The following PGR variants were observed in gnomAD, a reference collection of about 807,000 sequenced individuals.
PGR encodes progesterone receptor, also known as nuclear receptor subfamily 3 group C member 3.
In PGR, 25 loss-of-function variants were observed where a neutral mutation model predicts 76.1. That is an observed-to-expected ratio of 0.33 (90% CI 0.24 to 0.46). The LOEUF (loss-of-function observed/expected upper bound fraction) is 0.46, where lower values mean the gene tolerates loss of function less well. Among genes scored for constraint, PGR ranks in the 20% least tolerant of loss-of-function variants. The probability of loss-of-function intolerance (pLI) is 1.00; values close to 1 mark genes in which losing one functional copy is unlikely to be tolerated. For missense variants in PGR, 1,172 were observed against 1,225.3 expected (o/e 0.96, Z 0.65); for synonymous variants, 579 against 535.0 (o/e 1.08, Z -1.14).
chr11:101,051,256 A>G (rs1354316665), intron 5 of PGR, among the ~76,000 whole-genome samples, 168 bp downstream of exon 5: 1 of 152,172 alleles, frequency 6.6e-6, no homozygotes, highest in Non-Finnish European at 1.5e-5. Flanking sequence ...TGATATAACT[A>G]TATTTTGAAA....
chr11:101,127,612 C>CGCT lies in PGR; in HGVS notation c.1456_1458dup (p.Ser486dup). ...AGGCCGTCCCGCGGGAGCAGGCAGC[C>CGCT]GCTCGCGCCCGGCGCCTTGCAGGGC... On this transcript the variant is annotated inframe_insertion, in exon 1 of 8. Transcript: ENST00000325455. 1 of 1,304,334 alleles carries CGCT rather than the reference C, an allele frequency of 7.7e-7. No homozygotes were observed. The highest frequency in any genetic ancestry group is 9.7e-7 in the Non-Finnish European group (1 of 1,035,822). The allele number at this position is 1,304,334 out of a possible 1,614,324, so 80.8% of individuals were successfully genotyped here.
intron 2 of PGR, among the ~76,000 whole-genome samples, chr11:101,115,741 C>T (rs926832403): frequency 6.6e-6 from 1 of 151,180 alleles, no homozygotes; most frequent in African/African-American, 2.4e-5. Flanking sequence ...TGCACTTCAG[C>T]CTGGGCTACA....
intron 4 of PGR, among the ~76,000 whole-genome samples, chr11:101,060,101 TAC>T (rs1860438129): frequency 6.6e-6 from 1 of 152,112 alleles, no homozygotes; most frequent in South Asian, 2.1e-4. Context: ...ACTTTCCAAA[TAC>T]AGTTTCCTAT....
intron 3 of PGR, among the ~76,000 whole-genome samples, chr11:101,080,655 T>C (rs1861275560): frequency 6.6e-6 from 1 of 152,036 alleles, no homozygotes; most frequent in South Asian, 2.1e-4. Context: ...AACTCAGAAA[T>C]GACACATAAA....
chr11:101,051,928 C>T (rs1257723769), intron 4 of PGR, among the ~76,000 whole-genome samples: 2 of 152,016 alleles, frequency 1.3e-5, no homozygotes, highest in African/African-American at 4.8e-5. Context: ...AAGCAGCTCA[C>T]AACTCAACAG....
rs538469617 is a variant in PGR, at chr11:101,089,825, T to C, written c.1906+1935A>G. Among the ~76,000 whole-genome samples the C allele has an allele frequency of 7.2e-5, 11 of 152,292 alleles. No homozygotes were observed. The South Asian group carries it at 8.3e-4, about 11-fold the overall frequency. On this transcript the variant is annotated intron_variant, in intron 3 of 7. Transcript: ENST00000325455. ...CAATAGCTGTGAAGCCCGTAGAATA[T>C]GGCTTGGGAAGCATAGGAATAACAG... is the stretch of plus-strand genomic sequence containing the variant.
chr11:101,077,546 G>C (rs1861168120), intron 3 of PGR, among the ~76,000 whole-genome samples: 1 of 152,060 alleles, frequency 6.6e-6, no homozygotes, highest in South Asian at 2.1e-4. Context: ...GGAGATATTT[G>C]AACCCCTCAA....
chr11:101,086,891 T>A lies in PGR; in HGVS notation c.1906+4869A>T, dbSNP rs536541770. 2.1e-5 allele frequency among the ~76,000 whole-genome samples: 3 copies of A among 146,178 alleles called. No homozygotes were observed. In the South Asian group the frequency reaches 7.6e-4, roughly 37 times the overall value. Reference sequence around the variant, plus strand: ...TACATATAACTAAGCAGATGAAAGATTTCTACATGGATAACTACATAACAT... The same window carrying A: ...TACATATAACTAAGCAGATGAAAGAATTCTACATGGATAACTACATAACAT... On this transcript the variant is annotated intron_variant, in intron 3 of 7. Transcript: ENST00000325455.
intron 2 of PGR, among the ~76,000 whole-genome samples, chr11:101,105,071 ATTGT>A (rs1353341345): frequency 1.3e-5 from 2 of 152,168 alleles, no homozygotes; most frequent in African/African-American, 4.8e-5. Context: ...GATGACAGGG[ATTGT>A]TTGAGGATGT....
chr11:101,076,221 G>A lies in PGR; in HGVS notation c.1907-13469C>T, dbSNP rs535560805. Among the ~76,000 whole-genome samples, 3 of 147,748 alleles carry A rather than the reference G, an allele frequency of 2.0e-5. No homozygotes were observed. The Admixed American group carries it at 2.1e-4, about 10-fold the overall frequency. ...TTCAGAGCAAACTAACACAAGAACAGAAAACCAAACACTGCATGTTCTCTC... is the reference window on the plus strand; with the variant it reads ...TTCAGAGCAAACTAACACAAGAACAAAAAACCAAACACTGCATGTTCTCTC... On this transcript the variant is annotated intron_variant, in intron 3 of 7. Transcript: ENST00000325455.
intron 4 of PGR, among the ~76,000 whole-genome samples, chr11:101,052,820 G>C (rs886534427): frequency 6.6e-6 from 1 of 152,158 alleles, no homozygotes; most frequent in Non-Finnish European, 1.5e-5. Flanking sequence ...CGGTAGATGG[G>C]AAGAAGAAGG....
chr11:101,072,395 G>A (rs996379255), intron 3 of PGR, among the ~76,000 whole-genome samples: 1 of 152,114 alleles, frequency 6.6e-6, no homozygotes, highest in Non-Finnish European at 1.5e-5. Context: ...AAAGACCATC[G>A]ATGCTAGGAA....
chr11:101,056,246 A>T (rs78675191), intron 4 of PGR, among the ~76,000 whole-genome samples: 11 of 151,386 alleles, frequency 7.3e-5, no homozygotes, highest in African/African-American at 2.7e-4. Context: ...AAAAAAAAAC[A>T]CTTTTCCTTT....
At chr11:101,101,588 T>A (rs1263240143) in intron 2 of PGR, among the ~76,000 whole-genome samples, 1 of 152,200 alleles carries the variant, frequency 6.6e-6, no homozygotes, top group Non-Finnish European at 1.5e-5. Flanking sequence ...AAAATACTCC[T>A]CCATTTTCCA....
intron 2 of PGR, among the ~76,000 whole-genome samples, chr11:101,125,451 A>T (rs1165495382): frequency 1.3e-5 from 2 of 152,206 alleles, no homozygotes; most frequent in African/African-American, 4.8e-5. Context: ...AATATACTGA[A>T]CAAAAAGAGA....
Position 101,032,487 on chromosome 11 carries a change from C to A in PGR, c.*6629G>T, listed in dbSNP as rs112191154. On this transcript the variant is annotated 3_prime_UTR_variant, in exon 8 of 8. Transcript: ENST00000325455. Reference sequence around the variant, plus strand: ...TGGCTTTCTTCTTCAGTCTCATCATCCATCCCCACCCCACATTCTCTCTCC... The same window carrying A: ...TGGCTTTCTTCTTCAGTCTCATCATACATCCCCACCCCACATTCTCTCTCC... The A allele has an allele frequency of 2.4e-3, 568 of 232,832 alleles. 1 individual carries two copies. The highest frequency in any genetic ancestry group is 4.2e-3 in the Non-Finnish European group (491 of 117,848). 14.4% of individuals were successfully genotyped at this position (232,832 alleles called of 1,614,324 possible).
At chr11:101,067,293 C>A (rs1380342737) in intron 3 of PGR, among the ~76,000 whole-genome samples, 2 of 151,960 alleles carry the variant, frequency 1.3e-5, no homozygotes, top group South Asian at 4.2e-4. Flanking sequence ...AACATATATA[C>A]CCAAAATACA....
chr11:101,076,845 A>G lies in PGR; in HGVS notation c.1907-14093T>C, dbSNP rs148270388. On this transcript the variant is annotated intron_variant, in intron 3 of 7. Transcript: ENST00000325455. ...AGGCATAATTATTTAATTCTGATAA[A>G]AGAAGAATACAGATTTTTGTATTTT... 5.4e-3 allele frequency among the ~76,000 whole-genome samples: 816 copies of G among 151,596 alleles called. 3 individuals are homozygous for G. Among genetic ancestry groups the G allele is most frequent in the African/African-American group, 0.016 (677 of 41,484 alleles).
rs1479937589 is a variant in PGR at position 101,038,856 on chromosome 11, T to C, written c.*260A>G. 6 of 395,086 alleles carry C rather than the reference T, an allele frequency of 1.5e-5. No individual in the cohort carries two copies. Among genetic ancestry groups the C allele is most frequent in the Non-Finnish European group, 2.3e-5 (5 of 217,254 alleles). 24.5% of individuals were successfully genotyped at this position (395,086 alleles called of 1,614,324 possible). ...ATGAAATAATATGGATAAGATAGTT[T>C]ACTTTAACAATTTTAGTACTTTTTC... On this transcript the variant is annotated 3_prime_UTR_variant, in exon 8 of 8. Transcript: ENST00000325455.
Sources: allele counts gnomAD v4.1 joint callset (sites outside exome capture counted in the v4.1 genomes callset), GRCh38; gene constraint gnomAD v4.1.1; transcripts MANE v1.5; gene names NCBI Gene and HGNC (gene_info 2026-07-23, HGNC 2026-07-21).